The following RNF157 variants were observed in gnomAD, a reference collection of about 807,000 sequenced individuals.
RNF157 encodes the protein E3 ubiquitin ligase RNF157.
In RNF157, 55 loss-of-function variants were observed where a neutral mutation model predicts 88.3. The ratio of observed to expected loss-of-function variants is 0.62; its 90% CI spans 0.50 to 0.78. The LOEUF is 0.78. Ranked by LOEUF, RNF157 falls within the 30% of genes least tolerant of loss-of-function variation. The pLI is 0.00. For missense variants in RNF157, 788 were observed against 860.8 expected (o/e 0.92, Z 1.06); for synonymous variants, 334 against 341.2 (o/e 0.98, Z 0.23).
chr17:76,162,872 CAATAAT>C (rs773581352), intron 8 of RNF157: 2 of 374,504 alleles, frequency 5.3e-6, no homozygotes, highest in East Asian at 5.1e-5. Context: ...TTCACAAATA[CAATAAT>C]AATACTTGCA....
At chr17:76,233,217 G>A (rs2070225316) in intron 1 of RNF157, among the ~76,000 whole-genome samples, 3 of 152,148 alleles carry the variant, frequency 2.0e-5, no homozygotes, top group Admixed American at 6.5e-5. Context: ...ACCGTGCCTG[G>A]CCTCTTGCAC....
intron 2 of RNF157, among the ~76,000 whole-genome samples, chr17:76,188,860 T>C (rs558734159): frequency 2.6e-5 from 4 of 152,318 alleles, no homozygotes; most frequent in Non-Finnish European, 5.9e-5. Context: ...AGGGCTGATA[T>C]CAACAGCAAT....
At position 76,161,860 on chromosome 17, in the gene RNF157, C is replaced by T; in HGVS notation, c.935G>A (p.Cys312Tyr). 6.2e-7 allele frequency: 1 copy of T among 1,614,110 alleles called. No homozygotes were observed. Among genetic ancestry groups the T allele is most frequent in the Non-Finnish European group, 8.5e-7 (1 of 1,179,956 alleles). ...ADTLRYQANN[C>Y]PICRLPFRAL... The stretch of plus-strand genomic sequence containing the variant: ...GGGCTTACGCAGTCGGCAGATGGGG[C>T]AGTTGTTGGCCTGGTAGCGCAGCGT... Residue 312 changes from cysteine (C) to tyrosine (Y), a missense_variant, in exon 10 of 19, where the codon TGC (cysteine) becomes TAC (tyrosine). Cys to Tyr is a radical substitution (Grantham distance 194, BLOSUM62 -2). Transcript: ENST00000269391. The surrounding 1 kb of genome is among the most constrained non-coding windows in gnomAD (Gnocchi z 4.6).
chr17:76,221,717 A>G (rs1217620526), intron 1 of RNF157, among the ~76,000 whole-genome samples: 1 of 152,206 alleles, frequency 6.6e-6, no homozygotes, highest in African/African-American at 2.4e-5. Context: ...ATGGGTTCAC[A>G]GAAGTACTAT....
Position 76,225,812 on chromosome 17 carries a change from T to C in RNF157, c.89-13330A>G, listed in dbSNP as rs531456396. The C allele has an allele frequency of 6.2e-5, 99 of 1,589,674 alleles. No homozygotes were observed. The South Asian group carries it at 1.0e-3, about 16-fold the overall frequency. ...CTCTTCTATCAAATCTTTCAGGTAC[T>C]GGATCTCCTTGGCCAGGGAATCTGC... On this transcript the variant is annotated intron_variant, in intron 1 of 18. Coordinates refer to ENST00000269391, the MANE Select transcript of RNF157 (RefSeq NM_052916.3).
chr17:76,182,760 CATATATATATATAT>C lies in RNF157; in HGVS notation c.208-8984_208-8971del, dbSNP rs377581288. On this transcript the variant is annotated intron_variant, in intron 2 of 18. Transcript: ENST00000269391. ...TTGCTATTAGATTCAGGCCTCGTCT[CATATATATATATAT>C]ATATATATATATATGAGAGATATAT... 3.2e-5 allele frequency among the ~76,000 whole-genome samples: 3 copies of C among 93,358 alleles called. 1 individual carries two copies. The highest frequency in any genetic ancestry group is 1.7e-4 in the African/African-American group (3 of 17,256). The allele number at this position is 93,358 out of a possible 152,430, so 61.2% of individuals were successfully genotyped here.
chr17:76,240,314 C>T lies in RNF157; in HGVS notation c.-74G>A, dbSNP rs2070358745. ...TCCGCGCTTCACCGCGGCCGCCCGC[C>T]CCGCGCCCGGTGCGGGGGCCGACTG... On this transcript the variant is annotated 5_prime_UTR_variant, in exon 1 of 19. Coordinates refer to ENST00000269391, the MANE Select transcript of RNF157 (RefSeq NM_052916.3). The surrounding 1 kb of genome is among the most constrained non-coding windows in gnomAD (Gnocchi z 4.4). 6.6e-6 allele frequency: 5 copies of T among 753,022 alleles called. No individual in the cohort carries two copies. Among genetic ancestry groups the T allele is most frequent in the East Asian group, 2.6e-4 (2 of 7,562 alleles). The allele number at this position is 753,022 out of a possible 1,614,324, so 46.6% of individuals were successfully genotyped here. A position where few individuals can be genotyped will look rare whatever the true frequency, so the allele number is the denominator to read the frequency against.
chr17:76,152,287 G>A (rs924029254), intron 18 of RNF157, 68 bp downstream of exon 18: 36 of 1,023,502 alleles, frequency 3.5e-5, no homozygotes, highest in Non-Finnish European at 4.7e-5. Flanking sequence ...GTGTACCAGG[G>A]TGAGAGCAGG....
chr17:76,164,711 C>T, intron 8 of RNF157, 37 bp downstream of exon 8: 6 of 1,346,018 alleles, frequency 4.5e-6, no homozygotes, highest in Admixed American at 1.8e-5. Context: ...GAAGGAAGGA[C>T]CCTAATACTA....
intron 2 of RNF157, among the ~76,000 whole-genome samples, chr17:76,193,918 G>C (rs2069428877): frequency 6.6e-6 from 1 of 152,110 alleles, no homozygotes; most frequent in Non-Finnish European, 1.5e-5. Context: ...CACATCCACA[G>C]ACAGCCCTGG....
intron 1 of RNF157, among the ~76,000 whole-genome samples, chr17:76,227,966 T>G (rs899743767): frequency 1.3e-5 from 2 of 152,192 alleles, no homozygotes; most frequent in African/African-American, 4.8e-5. Flanking sequence ...TTATAATGTA[T>G]TCCCATTGAA....
At chr17:76,158,289 G>T (rs2068795561) in intron 13 of RNF157, 104 bp downstream of exon 13, 9 of 773,720 alleles carry the variant, frequency 1.2e-5, no homozygotes, top group Non-Finnish European at 2.1e-5. Flanking sequence ...TGCTGACAAG[G>T]TGTTTGATGA....
In RNF157 at chr17:76,158,426, G is replaced by C. The variant is rs779647631; in HGVS notation, c.1380C>G (p.Leu460=). The C allele has an allele frequency of 1.2e-5, 20 of 1,613,638 alleles. No individual in the cohort carries two copies. The highest frequency in any genetic ancestry group is 2.7e-5 in the African/African-American group (2 of 74,922). Residue 460 remains leucine, a synonymous_variant, in exon 13 of 19, where the codon CTC becomes CTG. Coordinates refer to ENST00000269391, the MANE Select transcript of RNF157 (RefSeq NM_052916.3). ...GATGCTGAACCGACGGTCTCTGAGA[G>C]AGCTGTGTCTCCGACTCGCTGCAGG... ...EHSCSESETQ[L]SQRPSVQHLG... is the part of the protein sequence containing the mutation.
rs73345586 is a variant in RNF157 at position 76,152,598 on chromosome 17, C to T, written c.1811-133G>A. On this transcript the variant is annotated intron_variant, in intron 17 of 18. Coordinates refer to ENST00000269391, the MANE Select transcript of RNF157 (RefSeq NM_052916.3). ...TGTTAAAAAAAAGACAATAATTAAGCGGATAAAGAGTGGACAAGAAAGGAA... is the reference window on the plus strand; with the variant it reads ...TGTTAAAAAAAAGACAATAATTAAGTGGATAAAGAGTGGACAAGAAAGGAA... 2.9e-3 allele frequency: 1,855 copies of T among 645,248 alleles called. 24 individuals are homozygous for T. The highest frequency in any genetic ancestry group is 0.024 in the African/African-American group (1,306 of 55,010). 40.0% of individuals were successfully genotyped at this position (645,248 alleles called of 1,614,324 possible). A position where few individuals can be genotyped will look rare whatever the true frequency, so the allele number is the denominator to read the frequency against.
chr17:76,237,688 A>ATT (rs1407476305), intron 1 of RNF157, among the ~76,000 whole-genome samples: 1 of 152,130 alleles, frequency 6.6e-6, no homozygotes, highest in African/African-American at 2.4e-5. Context: ...CTGGGTCTCC[A>ATT]TTTTCTTATC....
chr17:76,202,188 C>A (rs191037094), intron 2 of RNF157, among the ~76,000 whole-genome samples: 75 of 151,572 alleles, frequency 4.9e-4, no homozygotes, highest in Admixed American at 2.2e-3. Context: ...GAGAAAGACA[C>A]CCGTTCCCAC....
chr17:76,210,158 C>T (rs1203253435), intron 2 of RNF157, among the ~76,000 whole-genome samples: 1 of 152,122 alleles, frequency 6.6e-6, no homozygotes, highest in African/African-American at 2.4e-5. Context: ...ACTCTAATTA[C>T]CAAGGCAGTA....
At chr17:76,202,128 TCA>T (rs60491535) in intron 2 of RNF157, among the ~76,000 whole-genome samples, 8,025 of 133,960 alleles carry the variant, frequency 0.06, 298 homozygotes, top group Admixed American at 0.1. Context: ...TCTCTCTCTC[TCA>T]CACACACACA....
In RNF157 at chr17:76,159,421, G is replaced by T. The variant is rs753697079; in HGVS notation, c.1218C>A (p.His406Gln). The T allele has an allele frequency of 6.2e-7, 1 of 1,613,102 alleles. No individual in the cohort carries two copies. The highest frequency in any genetic ancestry group is 2.2e-5 in the East Asian group (1 of 44,860). The change falls in exon 12 of 19, where the codon CAC (histidine) becomes CAA (glutamine). Residue 406 changes from histidine to glutamine, a missense_variant. Transcript: ENST00000269391. ...GMLPSYGSDGHLPPVRTISPL... is the reference protein window; with the variant it reads ...GMLPSYGSDGQLPPVRTISPL... ...GCGAGATCGTCCTGACGGGGGGCAG[G>T]TGGCCATCACTGCCATATGAAGGGA...
Sources: allele counts gnomAD v4.1 joint callset (sites outside exome capture counted in the v4.1 genomes callset), GRCh38; gene constraint gnomAD v4.1.1; non-coding constraint Gnocchi (gnomAD v3.1); transcripts MANE v1.5; gene names NCBI Gene and HGNC (gene_info 2026-07-23, HGNC 2026-07-21).